CTNNA3: variants seen among roughly 807,000 people sequenced by gnomAD.
The protein encoded by CTNNA3 is catenin alpha-3.
A neutral mutation model predicts 95.7 loss-of-function variants in CTNNA3; 76 were observed. That is an observed-to-expected ratio of 0.79 (90% confidence interval 0.66 to 0.96). The LOEUF (loss-of-function observed/expected upper bound fraction) is 0.96, where lower values mean the gene tolerates loss of function less well. Ranked by LOEUF, CTNNA3 falls within the 40% of genes least tolerant of loss-of-function variation. The probability of loss-of-function intolerance (pLI) is 0.00; values close to 1 mark genes in which losing one functional copy is unlikely to be tolerated. For synonymous variants in CTNNA3, 431 were observed against 374.4 expected (o/e 1.15, Z -1.74); for missense variants, 1,191 against 1,089.8 (o/e 1.09, Z -1.31).
chr10:66,659,661 T>C (rs754520233), intron 9 of CTNNA3, among the ~76,000 whole-genome samples: 3 of 152,142 alleles, frequency 2.0e-5, no homozygotes, highest in African/African-American at 4.8e-5. Flanking sequence ...AGAGCCCTCA[T>C]GAATGGGATT....
At chr10:65,981,204 C>G (rs2078312619) in intron 16 of CTNNA3, among the ~76,000 whole-genome samples, 1 of 151,932 alleles carries the variant, frequency 6.6e-6, no homozygotes, top group Admixed American at 6.6e-5. Context: ...CAACAGTGAC[C>G]AAGCTGAGAA....
intron 5 of CTNNA3, among the ~76,000 whole-genome samples, chr10:67,372,595 G>C (rs556022254): frequency 2.0e-5 from 3 of 152,214 alleles, no homozygotes; most frequent in South Asian, 2.1e-4. Flanking sequence ...AGCAAGGCAG[G>C]CCAACATTCA....
intron 13 of CTNNA3, among the ~76,000 whole-genome samples, chr10:66,216,898 C>A (rs2088577354): frequency 6.6e-6 from 1 of 152,220 alleles, no homozygotes; most frequent in South Asian, 2.1e-4. Context: ...ATTCTTGTAA[C>A]TACCATCACC....
At chr10:67,117,314 A>T (rs934641688) in intron 7 of CTNNA3, among the ~76,000 whole-genome samples, 1 of 151,992 alleles carries the variant, frequency 6.6e-6, no homozygotes, top group African/African-American at 2.4e-5. Context: ...GAAGGTTCAA[A>T]CCTCATTCTT....
At chr10:66,893,890 T>C (rs1307078676) in intron 7 of CTNNA3, among the ~76,000 whole-genome samples, 1 of 152,150 alleles carries the variant, frequency 6.6e-6, no homozygotes, top group African/African-American at 2.4e-5. Flanking sequence ...TTCTTTGCAA[T>C]AGCAGCACAA....
intron 9 of CTNNA3, among the ~76,000 whole-genome samples, chr10:66,763,942 G>A (rs376731739): frequency 6.6e-6 from 1 of 152,136 alleles, no homozygotes; most frequent in Admixed American, 6.5e-5. Context: ...GCAATCACAC[G>A]AGAAACCTTA....
In CTNNA3 at chr10:67,579,816, A is replaced by AT. The variant is rs1376073327; in HGVS notation, c.292+27040dup. Among the ~76,000 whole-genome samples, 5 of 152,026 alleles carry AT rather than the reference A, an allele frequency of 3.3e-5. No individual in the cohort carries two copies. The East Asian group carries it at 9.6e-4, about 29-fold the overall frequency. ...TCTCTGATGGCCAGTGATGATGAGC[A>AT]TTTTTTCATGTGTCTGTTGGCTGCA... On this transcript the variant is annotated intron_variant, in intron 3 of 17. Coordinates refer to ENST00000433211, the MANE Select transcript of CTNNA3 (RefSeq NM_013266.4).
chr10:66,215,099 C>G (rs12772318), intron 13 of CTNNA3, among the ~76,000 whole-genome samples: 11,867 of 152,010 alleles, frequency 0.078, 605 homozygotes, highest in Admixed American at 0.13. Context: ...ATTGGAATCT[C>G]ATGTGCACAG....
chr10:66,291,731 T>C (rs2091683426), intron 12 of CTNNA3, among the ~76,000 whole-genome samples: 1 of 151,748 alleles, frequency 6.6e-6, no homozygotes, highest in South Asian at 2.1e-4. Flanking sequence ...ATAAATTATA[T>C]ATATGTGTAT....
At chr10:66,589,104 C>A (rs1229937540) in intron 10 of CTNNA3, among the ~76,000 whole-genome samples, 1 of 151,882 alleles carries the variant, frequency 6.6e-6, no homozygotes, top group Non-Finnish European at 1.5e-5. Context: ...TTTTTCTTTT[C>A]CCTTGATTTA....
At chr10:66,855,363 C>T (rs895131853) in intron 7 of CTNNA3, among the ~76,000 whole-genome samples, 1 of 151,936 alleles carries the variant, frequency 6.6e-6, no homozygotes, top group African/African-American at 2.4e-5. Flanking sequence ...CAAGCATACC[C>T]AAAGCTGAGA....
At chr10:66,437,841 C>T (rs2093349030) in intron 11 of CTNNA3, among the ~76,000 whole-genome samples, 1 of 152,062 alleles carries the variant, frequency 6.6e-6, no homozygotes, top group African/African-American at 2.4e-5. Flanking sequence ...GATTTATCTA[C>T]CTTTGGTCTT....
rs1027464943 is a variant in CTNNA3, at chr10:67,207,708, G to A, written c.843+11899C>T. Among the ~76,000 whole-genome samples the A allele has an allele frequency of 2.0e-5, 3 of 152,164 alleles. No individual in the cohort carries two copies. In the East Asian group the frequency reaches 5.8e-4, roughly 29 times the overall value. ...ACTTGACCTAGCATTCCTAGAATCA[G>A]AACCTTACAATCTTACAAACCTGCA... On this transcript the variant is annotated intron_variant, in intron 6 of 17. Coordinates refer to ENST00000433211, the MANE Select transcript of CTNNA3 (RefSeq NM_013266.4).
At chr10:67,625,939 C>CT (rs1838936898) in intron 2 of CTNNA3, among the ~76,000 whole-genome samples, 1 of 152,104 alleles carries the variant, frequency 6.6e-6, no homozygotes, top group Non-Finnish European at 1.5e-5. Flanking sequence ...AATCCCAGCA[C>CT]TTTGAGAGGC....
At chr10:66,729,284 A>G (rs1446192429) in intron 9 of CTNNA3, among the ~76,000 whole-genome samples, 1 of 152,244 alleles carries the variant, frequency 6.6e-6, no homozygotes, top group Non-Finnish European at 1.5e-5. Context: ...ATAGCTATTA[A>G]AAAGTCAAAA....
chr10:66,202,674 A>T (rs2087506522), intron 13 of CTNNA3, among the ~76,000 whole-genome samples: 3 of 152,056 alleles, frequency 2.0e-5, no homozygotes. Flanking sequence ...TAAACCATTG[A>T]TTTTTTAAAA....
intron 14 of CTNNA3, among the ~76,000 whole-genome samples, chr10:66,092,161 C>T (rs959010827): frequency 6.6e-6 from 1 of 151,810 alleles, no homozygotes; most frequent in Admixed American, 6.6e-5. Flanking sequence ...GTTAGTTTTA[C>T]CTCTCACCAT....
intron 5 of CTNNA3, among the ~76,000 whole-genome samples, chr10:67,289,177 C>G (rs969332763): frequency 2.0e-5 from 3 of 152,080 alleles, no homozygotes; most frequent in Non-Finnish European, 4.4e-5. Flanking sequence ...TCCACTGGAT[C>G]ATTGTGCATG....
At chr10:66,723,625 G>T (rs1848695652) in intron 9 of CTNNA3, among the ~76,000 whole-genome samples, 1 of 152,230 alleles carries the variant, frequency 6.6e-6, no homozygotes. Flanking sequence ...TGGCACACAT[G>T]CAGTGTCCCT....
Sources: allele counts gnomAD v4.1 joint callset (sites outside exome capture counted in the v4.1 genomes callset), GRCh38; gene constraint gnomAD v4.1.1; transcripts MANE v1.5; gene names NCBI Gene and HGNC (gene_info 2026-07-23, HGNC 2026-07-21).